Variants in EYA4 observed in about 807,000 individuals in gnomAD.
EYA4 encodes the protein EYA transcriptional coactivator and phosphatase 4.
A neutral mutation model predicts 87.9 loss-of-function variants in EYA4; 31 were observed. The observed-to-expected ratio is 0.35, with a 90% CI of 0.27 to 0.48. The LOEUF is 0.48. Ranked by LOEUF, EYA4 falls within the 20% of genes least tolerant of loss-of-function variation. The pLI, the probability that EYA4 is intolerant of heterozygous loss-of-function variation, is 0.99. For synonymous variants in EYA4, 263 were observed against 270.6 expected (o/e 0.97, Z 0.28); for missense variants, 678 against 761.4 (o/e 0.89, Z 1.29).
At chr6:133,497,785 C>T (rs1462982684) in intron 13 of EYA4, among the ~76,000 whole-genome samples, 2 of 152,094 alleles carry the variant, frequency 1.3e-5, no homozygotes, top group Non-Finnish European at 1.5e-5. Context: ...ATTAATGTAT[C>T]ATGTGCTATG....
intron 2 of EYA4, among the ~76,000 whole-genome samples, chr6:133,280,409 T>C (rs902630536): frequency 1.1e-4 from 17 of 152,218 alleles, no homozygotes; most frequent in African/African-American, 4.1e-4. Flanking sequence ...TTTTTCTTTT[T>C]TCTTTTTTTT....
At chr6:133,312,040 T>G (rs1582921805) in intron 2 of EYA4, among the ~76,000 whole-genome samples, 1 of 152,214 alleles carries the variant, frequency 6.6e-6, no homozygotes, top group East Asian at 1.9e-4. Context: ...CAGTGAAGTC[T>G]TACTGAGATA....
chr6:133,383,147 A>T (rs1378109610), intron 3 of EYA4, among the ~76,000 whole-genome samples: 1 of 152,344 alleles, frequency 6.6e-6, no homozygotes, highest in South Asian at 2.1e-4. Flanking sequence ...GATATGACTT[A>T]ACCTATGTGT....
chr6:133,282,777 A>G (rs78364359), intron 2 of EYA4, among the ~76,000 whole-genome samples: 8,022 of 152,198 alleles, frequency 0.053, 727 homozygotes, highest in African/African-American at 0.18. Context: ...AAGTAATGTT[A>G]TCAATTTGGT....
intron 2 of EYA4, chr6:133,325,279 G>C (rs1464280653): frequency 1.3e-5 from 2 of 152,144 alleles, no homozygotes; most frequent in Admixed American, 6.6e-5. Context: ...AGTGTCCATT[G>C]TGGCAGCCAC....
chr6:133,478,641 A>G (rs987993715), intron 11 of EYA4, among the ~76,000 whole-genome samples: 1 of 152,200 alleles, frequency 6.6e-6, no homozygotes, highest in African/African-American at 2.4e-5. Flanking sequence ...ATAGTTTTCT[A>G]AAAAGGCTGT....
chr6:133,349,098 G>A (rs530062048), intron 2 of EYA4, among the ~76,000 whole-genome samples: 1 of 152,302 alleles, frequency 6.6e-6, no homozygotes, highest in Non-Finnish European at 1.5e-5. Context: ...CAGGGCTTTT[G>A]CACTTACTTT....
At chr6:133,376,709 A>T (rs1023120238) in intron 2 of EYA4, among the ~76,000 whole-genome samples, 1 of 151,972 alleles carries the variant, frequency 6.6e-6, no homozygotes, top group Admixed American at 6.6e-5. Context: ...ATTAAGATTG[A>T]TTTTTATATA....
intron 14 of EYA4, among the ~76,000 whole-genome samples, chr6:133,507,994 G>A (rs11970169): frequency 0.19 from 29,385 of 151,722 alleles, 3,401 homozygotes; most frequent in African/African-American, 0.31. Flanking sequence ...CCACCAACAC[G>A]CCAGTTAGAA....
chr6:133,356,645 T>C (rs574289531), intron 2 of EYA4, among the ~76,000 whole-genome samples: 135 of 151,810 alleles, frequency 8.9e-4, no homozygotes, highest in Non-Finnish European at 1.6e-3. Context: ...TAATAAGATA[T>C]AAGGACCAAA....
At chr6:133,392,863 A>G (rs976965164) in intron 3 of EYA4, among the ~76,000 whole-genome samples, 3 of 152,178 alleles carry the variant, frequency 2.0e-5, no homozygotes, top group African/African-American at 7.2e-5. Flanking sequence ...CCTCTCCTAC[A>G]GTAAACTGAG....
intron 2 of EYA4, among the ~76,000 whole-genome samples, chr6:133,288,104 A>G (rs1336854802): frequency 6.6e-6 from 1 of 152,116 alleles, no homozygotes; most frequent in Non-Finnish European, 1.5e-5. Context: ...ACTGCACTCC[A>G]GCCTGGGCGA....
chr6:133,278,305 A>AGG (rs1388752354), intron 2 of EYA4, among the ~76,000 whole-genome samples: 1 of 152,050 alleles, frequency 6.6e-6, no homozygotes, highest in Non-Finnish European at 1.5e-5. Context: ...TCACCCAATC[A>AGG]GCCCTACCGG....
At chr6:133,331,143 G>A (rs1390793254) in intron 2 of EYA4, among the ~76,000 whole-genome samples, 2 of 144,890 alleles carry the variant, frequency 1.4e-5, no homozygotes, top group African/African-American at 5.2e-5. Flanking sequence ...AGACCCCATT[G>A]TATTCTTATC....
At chr6:133,408,967 T>C (rs769672540) in intron 3 of EYA4, among the ~76,000 whole-genome samples, 4 of 152,210 alleles carry the variant, frequency 2.6e-5, no homozygotes, top group Non-Finnish European at 4.4e-5. Context: ...TTCCACTCAC[T>C]AGACTTGATT....
chr6:133,515,198 C>T, intron 16 of EYA4, 123 bp from the exon 17 acceptor site: 1 of 718,652 alleles, frequency 1.4e-6, no homozygotes, highest in East Asian at 2.5e-5. Flanking sequence ...AAATCTGTAT[C>T]TCTCTGCATT....
At chr6:133,518,969 C>T (rs1799855970) in intron 17 of EYA4, among the ~76,000 whole-genome samples, 1 of 150,176 alleles carries the variant, frequency 6.7e-6, no homozygotes, top group Non-Finnish European at 1.5e-5. Context: ...ACACAACATA[C>T]CAGAATCTCT....
chr6:133,445,430 T>A (rs1001727991), intron 3 of EYA4, among the ~76,000 whole-genome samples: 1 of 152,178 alleles, frequency 6.6e-6, no homozygotes, highest in African/African-American at 2.4e-5. Context: ...GAGCTGAAGG[T>A]CTTCCTTTAG....
chr6:133,497,731 A>C (rs898683243), intron 13 of EYA4, among the ~76,000 whole-genome samples: 3 of 152,210 alleles, frequency 2.0e-5, no homozygotes, highest in Non-Finnish European at 4.4e-5. Flanking sequence ...AGGGTGAAGA[A>C]AGCTATATAA....
Sources: gnomAD v4.1 joint callset for allele counts (sites outside exome capture counted in the v4.1 genomes callset) on GRCh38, gnomAD v4.1.1 for gene constraint, MANE v1.5 for transcripts, NCBI Gene and HGNC (gene_info 2026-07-23, HGNC 2026-07-21) for gene names.